MICU2: variants seen among roughly 807,000 people sequenced by gnomAD.
MICU2 encodes the protein calcium uptake protein 2, mitochondrial.
A neutral mutation model predicts 60.4 loss-of-function variants in MICU2; 64 were observed. That is an observed-to-expected ratio of 1.06 (90% CI 0.87 to 1.31). The LOEUF (loss-of-function observed/expected upper bound fraction) is 1.31, where lower values mean the gene tolerates loss of function less well. MICU2 is among the 50% of genes most tolerant of loss of function. The pLI is 0.00. For synonymous variants in MICU2, 201 were observed against 175.0 expected (o/e 1.15, Z -1.17); for missense variants, 569 against 531.0 (o/e 1.07, Z -0.70).
At chr13:21,566,413 T>C (rs970455521) in intron 2 of MICU2, among the ~76,000 whole-genome samples, 14 of 152,306 alleles carry the variant, frequency 9.2e-5, no homozygotes, top group Admixed American at 6.5e-4. Flanking sequence ...GTTTTTCAAC[T>C]TCTTGTTTCT....
At chr13:21,571,799 A>T (rs1442029604) in intron 1 of MICU2, among the ~76,000 whole-genome samples, 3 of 152,238 alleles carry the variant, frequency 2.0e-5, no homozygotes, top group Non-Finnish European at 4.4e-5. Context: ...GCAGTAGAGC[A>T]AGCTCCACTA....
rs959199241 is a variant in MICU2 at position 21,514,493 on chromosome 13, A to C, written c.598-75T>G. On this transcript the variant is annotated intron_variant, in intron 6 of 11. Coordinates refer to ENST00000382374, the MANE Select transcript of MICU2 (RefSeq NM_152726.3). ...AAAACAACCTAAAAAATAGATGCCA[A>C]CTTATTGTTATAAAATATATACTAG... The C allele has an allele frequency of 1.1e-5, 11 of 1,015,980 alleles. No individual in the cohort carries two copies. The African/African-American group carries it at 1.8e-4, about 17-fold the overall frequency. 62.9% of individuals were successfully genotyped at this position (1,015,980 alleles called of 1,614,324 possible).
At chr13:21,551,750 C>T (rs1190961781) in intron 2 of MICU2, among the ~76,000 whole-genome samples, 1 of 151,818 alleles carries the variant, frequency 6.6e-6, no homozygotes, top group Non-Finnish European at 1.5e-5. Flanking sequence ...ATCCATGTCC[C>T]TACAAAGGAC....
At chr13:21,525,382 C>CG (rs1886826029) in intron 4 of MICU2, among the ~76,000 whole-genome samples, 1 of 151,584 alleles carries the variant, frequency 6.6e-6, no homozygotes, top group Non-Finnish European at 1.5e-5. Flanking sequence ...TTAGTAGAGA[C>CG]AGGTTTCACC....
chr13:21,531,089 T>C, intron 4 of MICU2: 1 of 1,004,952 alleles, frequency 1.0e-6, no homozygotes, highest in African/African-American at 1.6e-5. Context: ...AATTACTTGA[T>C]TTACAACCAA....
chr13:21,581,321 T>C (rs533992440), intron 1 of MICU2, among the ~76,000 whole-genome samples: 1 of 152,194 alleles, frequency 6.6e-6, no homozygotes, highest in Non-Finnish European at 1.5e-5. Flanking sequence ...TTTCACCATG[T>C]TGACCAGGCT....
Position 21,521,331 on chromosome 13 carries a change from C to T in MICU2, c.515-4G>A, listed in dbSNP as rs769419806. 1.2e-6 allele frequency: 2 copies of T among 1,603,772 alleles called. No individual in the cohort carries two copies. Among genetic ancestry groups the T allele is most frequent in the Non-Finnish European group, 8.5e-7 (1 of 1,176,568 alleles). On this transcript the variant is annotated splice_region_variant and splice_polypyrimidine_tract_variant and intron_variant, in intron 5 of 11. Coordinates refer to ENST00000382374, the MANE Select transcript of MICU2 (RefSeq NM_152726.3). ...ACATGAAATCCAGAATGGGGTTCTG[C>T]AGTGAAGTGAAAAATGAATATTTAA...
intron 3 of MICU2, 57 bp from the exon 4 acceptor site, chr13:21,539,434 G>T (rs909140319): frequency 6.7e-7 from 1 of 1,490,132 alleles, no homozygotes; most frequent in African/African-American, 1.4e-5. Context: ...TTGTAGCTGG[G>T]ACTACAGACG....
At chr13:21,504,672 T>C (rs1427393963) in intron 8 of MICU2, among the ~76,000 whole-genome samples, 2 of 152,086 alleles carry the variant, frequency 1.3e-5, no homozygotes, top group Admixed American at 6.5e-5. Flanking sequence ...ACTTTATAAA[T>C]TAGTGGGTTA....
At chr13:21,539,582 G>A (rs566453981) in intron 3 of MICU2, 75 bp downstream of exon 3, 15 of 1,583,308 alleles carry the variant, frequency 9.5e-6, no homozygotes, top group Non-Finnish European at 1.3e-5. Context: ...ACAGGTGTGA[G>A]CCACCGTGCC....
intron 9 of MICU2, among the ~76,000 whole-genome samples, chr13:21,499,001 A>G (rs1886075063): frequency 6.6e-6 from 1 of 152,134 alleles, no homozygotes; most frequent in Non-Finnish European, 1.5e-5. Flanking sequence ...CCCAGTCTGG[A>G]GTGCAGTGGC....
rs776367088 is a variant in MICU2 at position 21,496,063 on chromosome 13, G to C, written c.1031C>G (p.Pro344Arg). ...AMQMFSLAHRPVRLAEFKRAV... is the reference protein window; with the variant it reads ...AMQMFSLAHRRVRLAEFKRAV... ...TTCATATAACTTACCTAGTCTGACAGGACGATGAGCTAAACTGAACATCTG... is the reference window on the plus strand; with the variant it reads ...TTCATATAACTTACCTAGTCTGACACGACGATGAGCTAAACTGAACATCTG... Residue 344 changes from proline (P) to arginine (R), a missense_variant, in exon 10 of 12, where the codon CCT becomes CGT. By Grantham distance (103) the Pro-to-Arg change is moderately radical (BLOSUM62 -2). Coordinates refer to ENST00000382374, the MANE Select transcript of MICU2 (RefSeq NM_152726.3). 5.0e-6 allele frequency: 8 copies of C among 1,612,500 alleles called. No homozygotes were observed. Among genetic ancestry groups the C allele is most frequent in the East Asian group, 2.2e-5 (1 of 44,838 alleles).
chr13:21,516,268 C>T (rs1226766973), intron 6 of MICU2, among the ~76,000 whole-genome samples: 1 of 151,828 alleles, frequency 6.6e-6, no homozygotes, highest in Non-Finnish European at 1.5e-5. Flanking sequence ...TTTTTTTCCC[C>T]ACCTAAATTA....
At chr13:21,568,769 T>A (rs1281306235) in intron 1 of MICU2, among the ~76,000 whole-genome samples, 1 of 152,024 alleles carries the variant, frequency 6.6e-6, no homozygotes, top group Non-Finnish European at 1.5e-5. Context: ...TAATATCAAA[T>A]CTCATCAAGA....
chr13:21,514,222 G>A (rs1041021), intron 7 of MICU2, 131 bp downstream of exon 7: 144,011 of 651,162 alleles, frequency 0.22, 21,939 homozygotes, highest in East Asian at 0.65. Context: ...GAAAAGTTAT[G>A]TGGTGCATGA....
At chr13:21,514,456 ACC>A (rs747754152) in intron 6 of MICU2, 38 bp from the exon 7 acceptor site, 1 of 1,528,270 alleles carries the variant, frequency 6.5e-7, no homozygotes, top group Non-Finnish European at 9.0e-7. Flanking sequence ...ATGTGTGCCT[ACC>A]AGATTTTTCA....
At chr13:21,509,479 T>C (rs1330181500) in intron 8 of MICU2, among the ~76,000 whole-genome samples, 1 of 152,184 alleles carries the variant, frequency 6.6e-6, no homozygotes, top group African/African-American at 2.4e-5. Context: ...TTGCCAACCC[T>C]TGTGCTAGAG....
At chr13:21,515,685 T>C (rs1886554149) in intron 6 of MICU2, 3 of 271,568 alleles carry the variant, frequency 1.1e-5, no homozygotes, top group Non-Finnish European at 2.3e-5. Context: ...CTGGGCTATT[T>C]AACAGTTTGA....
At chr13:21,571,474 G>A (rs1333222572) in intron 1 of MICU2, among the ~76,000 whole-genome samples, 1 of 152,196 alleles carries the variant, frequency 6.6e-6, no homozygotes, top group Non-Finnish European at 1.5e-5. Context: ...GAGATGGGTG[G>A]ATCACGAGGT....
Sources: gnomAD v4.1 joint callset for allele counts (sites outside exome capture counted in the v4.1 genomes callset) on GRCh38, gnomAD v4.1.1 for gene constraint, MANE v1.5 for transcripts, NCBI Gene and HGNC (gene_info 2026-07-23, HGNC 2026-07-21) for gene names.